ATP7B: variants seen among roughly 807,000 people sequenced by gnomAD.
The protein encoded by ATP7B is copper-transporting ATPase 2.
ATP7B carries 113 observed loss-of-function variants against 118.9 expected under a neutral mutation model. The observed-to-expected ratio is 0.95, with a 90% confidence interval of 0.82 to 1.11. The LOEUF is 1.11. Ranked by LOEUF, ATP7B falls within the 50% of genes most tolerant of loss-of-function variation. The pLI, the probability that ATP7B is intolerant of heterozygous loss-of-function variation, is 0.00. For missense variants in ATP7B, 1,867 were observed against 1,871.4 expected, an observed-to-expected ratio of 1.00 and a Z score of 0.04; for synonymous variants, 777 against 727.4, an observed-to-expected ratio of 1.07 and a Z score of -1.10.
intron 8 of ATP7B, 130 bp from the exon 9 acceptor site, chr13:51,957,737 C>T (rs544179710): frequency 3.6e-6 from 3 of 844,160 alleles, no homozygotes; most frequent in South Asian, 1.4e-5. Flanking sequence ...CGATAAAAGG[C>T]TCTGCAGGTG....
rs1956774434 is a variant in ATP7B at position 51,932,748 on chromosome 13, A to T, written c.*2008T>A. On this transcript the variant is annotated 3_prime_UTR_variant, in exon 21 of 21. Coordinates refer to ENST00000242839, the MANE Select transcript of ATP7B (RefSeq NM_000053.4). Reference sequence around the variant, plus strand: ...GTAGAAATGATTATCTGACAAAAAAACTCCTTACACTTTGACCATCTAAAA... The same window carrying T: ...GTAGAAATGATTATCTGACAAAAAATCTCCTTACACTTTGACCATCTAAAA... 6.6e-6 allele frequency: 1 copy of T among 152,136 alleles called. No homozygotes were observed. The highest frequency in any genetic ancestry group is 1.5e-5 in the Non-Finnish European group (1 of 68,032). 9.4% of individuals were successfully genotyped at this position (152,136 alleles called of 1,614,324 possible).
At chr13:51,955,642 G>T (rs553651422) in intron 9 of ATP7B, among the ~76,000 whole-genome samples, 1 of 152,230 alleles carries the variant, frequency 6.6e-6, no homozygotes, top group Non-Finnish European at 1.5e-5. Flanking sequence ...AGTGCCATCA[G>T]AGGCGCCTCA....
intron 3 of ATP7B, 86 bp from the exon 4 acceptor site, chr13:51,968,693 C>T: frequency 6.7e-7 from 1 of 1,491,800 alleles, no homozygotes; most frequent in Non-Finnish European, 9.3e-7. Context: ...CAAAGAAACA[C>T]ATCTTCCCAG....
intron 1 of ATP7B, among the ~76,000 whole-genome samples, chr13:51,997,661 G>T (rs1353952844): frequency 6.6e-6 from 1 of 152,190 alleles, no homozygotes; most frequent in African/African-American, 2.4e-5. Context: ...TTGTGATCTG[G>T]AAACAGTTTG....
intron 1 of ATP7B, among the ~76,000 whole-genome samples, chr13:51,986,756 G>T (rs1487466517): frequency 6.6e-6 from 1 of 152,128 alleles, no homozygotes; most frequent in Non-Finnish European, 1.5e-5. Context: ...CAGCAAGGCT[G>T]GTTCAACACA....
intron 6 of ATP7B, 44 bp from the exon 7 acceptor site, chr13:51,960,366 G>C (rs1460270112): frequency 6.3e-7 from 1 of 1,595,178 alleles, no homozygotes; most frequent in Non-Finnish European, 8.5e-7. Flanking sequence ...GATGCTGCTT[G>C]TCACCTGGAT....
Position 51,958,504 on chromosome 13 carries a change from G to T in ATP7B, c.2162C>A (p.Ser721Tyr), listed in dbSNP as rs1794191672. ...GWYFYVQAYKSLRHRSANMDV... is the reference protein window; with the variant it reads ...GWYFYVQAYKYLRHRSANMDV... Reference sequence around the variant, plus strand: ...CATGTTGGCTGACCTGTGTCTCAGAGATTTGTAGGCCTGAACGTAGAAGTA... The same window carrying T: ...CATGTTGGCTGACCTGTGTCTCAGATATTTGTAGGCCTGAACGTAGAAGTA... The change falls in exon 8 of 21, where the codon TCT becomes TAT. Residue 721 changes from serine (S) to tyrosine (Y), a missense_variant. By Grantham distance (144) the Ser-to-Tyr change is moderately radical. Transcript: ENST00000242839. 1 of 1,614,254 alleles carries T rather than the reference G, an allele frequency of 6.2e-7. No homozygotes were observed. Among genetic ancestry groups the T allele is most frequent in the Non-Finnish European group, 8.5e-7 (1 of 1,180,044 alleles).
At position 51,974,981 on chromosome 13, in the gene ATP7B, A is replaced by G; in HGVS notation, c.239T>C (p.Ile80Thr). 1 of 1,614,212 alleles carries G rather than the reference A, an allele frequency of 6.2e-7. No individual in the cohort carries two copies. The highest frequency in any genetic ancestry group is 8.5e-7 in the Non-Finnish European group (1 of 1,180,044). ...GCTGATGATGCCTTTCAAATTGGAA[A>G]TCCTGTCCTCAATGGACTTCACACA... ...QSCVKSIEDR[I>T]SNLKGIISMK... is the part of the protein sequence containing the mutation. The change falls in exon 2 of 21, where the codon ATT becomes ACT. Residue 80 changes from isoleucine to threonine, a missense_variant. Ile to Thr is a moderately conservative substitution (Grantham distance 89). Coordinates refer to ENST00000242839, the MANE Select transcript of ATP7B (RefSeq NM_000053.4).
At chr13:51,988,554 G>A (rs1371648427) in intron 1 of ATP7B, among the ~76,000 whole-genome samples, 1 of 152,078 alleles carries the variant, frequency 6.6e-6, no homozygotes, top group African/African-American at 2.4e-5. Flanking sequence ...TCCCATTACT[G>A]GGTATATACC....
intron 9 of ATP7B, among the ~76,000 whole-genome samples, chr13:51,956,661 C>T (rs944239075): frequency 2.6e-5 from 4 of 152,024 alleles, no homozygotes; most frequent in Admixed American, 1.3e-4. Flanking sequence ...TAGTCCAAAG[C>T]GAGACCACAG....
At chr13:51,942,253 G>T (rs1823761622) in intron 15 of ATP7B, 133 bp downstream of exon 15, 2 of 1,362,900 alleles carry the variant, frequency 1.5e-6, no homozygotes, top group Non-Finnish European at 2.1e-6. Context: ...CTGGGTGTGG[G>T]GAGGCAGGCT....
intron 12 of ATP7B, 180 bp from the exon 13 acceptor site, chr13:51,946,658 T>A (rs1459310537): frequency 4.3e-6 from 3 of 698,076 alleles, no homozygotes; most frequent in Non-Finnish European, 7.5e-6. Flanking sequence ...GCTCTCCACA[T>A]CCCAGCTATC....
At chr13:51,982,005 A>ATTT (rs5803589) in intron 1 of ATP7B, among the ~76,000 whole-genome samples, 6,232 of 140,892 alleles carry the variant, frequency 0.044, 160 homozygotes, top group South Asian at 0.085. Context: ...TTGGGTGTGA[A>ATTT]TTTTTTTTTT....
chr13:52,010,833 T>C (rs1213956720), intron 1 of ATP7B, among the ~76,000 whole-genome samples: 1 of 152,252 alleles, frequency 6.6e-6, no homozygotes, highest in Admixed American at 6.5e-5. Flanking sequence ...AATATTTCTG[T>C]GCTGTTTCCA....
chr13:51,995,430 C>G (rs1953156935), intron 1 of ATP7B: 1 of 761,940 alleles, frequency 1.3e-6, no homozygotes, highest in Non-Finnish European at 1.6e-6. Flanking sequence ...TGCCTAACCC[C>G]AGGGCTCTTC....
Position 51,957,605 on chromosome 13 carries a change from G to C in ATP7B, c.2358C>G (p.Ser786Arg), listed in dbSNP as rs963396551. ...GTTTAGCCAGGGCTTCTGAGGTTTT[G>C]CTCTAGGAAATAACCAGAATGTGAA... is the stretch of plus-strand genomic sequence containing the variant. ...LGRWLEHLAK[S>R]KTSEALAKLM... The change falls in exon 9 of 21, where the codon AGC (serine) becomes AGG (arginine). Residue 786 changes from serine (S) to arginine (R), a missense_variant and splice_region_variant. Ser to Arg is a moderately radical substitution (Grantham distance 110). Transcript: ENST00000242839. 1 of 1,613,826 alleles carries C rather than the reference G, an allele frequency of 6.2e-7. No homozygotes were observed. Among genetic ancestry groups the C allele is most frequent in the African/African-American group, 1.3e-5 (1 of 74,932 alleles).
chr13:51,946,584 G>A (rs573875158), intron 12 of ATP7B, 106 bp from the exon 13 acceptor site: 20 of 1,327,312 alleles, frequency 1.5e-5, no homozygotes, highest in South Asian at 7.5e-5. Flanking sequence ...ACAACGTGAC[G>A]AACTTGGGTT....
intron 1 of ATP7B, among the ~76,000 whole-genome samples, chr13:51,997,845 T>C (rs1196670171): frequency 1.3e-5 from 2 of 152,106 alleles, no homozygotes; most frequent in Non-Finnish European, 2.9e-5. Context: ...GTTTCGCAGA[T>C]TGAGCACATG....
Position 52,011,374 on chromosome 13 carries a change from CT to C in ATP7B, c.-38del, listed in dbSNP as rs1226157715. On this transcript the variant is annotated 5_prime_UTR_variant, in exon 1 of 21. Transcript: ENST00000242839. ...GACACCGAATTCTTCTCTGATCTGG[CT>C]CAGAGCAAAAGGTCACCTGGTCGGT... The C allele has an allele frequency of 2.5e-6, 4 of 1,613,770 alleles. No homozygotes were observed. The African/African-American group carries it at 4.0e-5, about 16-fold the overall frequency.
Sources: allele counts gnomAD v4.1 joint callset (sites outside exome capture counted in the v4.1 genomes callset), GRCh38; gene constraint gnomAD v4.1.1; transcripts MANE v1.5; gene names NCBI Gene and HGNC (gene_info 2026-07-23, HGNC 2026-07-21).